Variants in CYP2C19 observed in about 807,000 individuals in gnomAD.
CYP2C19 encodes the protein cytochrome P450 family 2 subfamily C member 19.
A neutral mutation model predicts 40.9 loss-of-function variants in CYP2C19; 59 were observed. That is an observed-to-expected ratio of 1.44 (90% CI 1.17 to 1.79). The LOEUF is 1.79. CYP2C19 is among the 40% of genes most tolerant of loss of function. CYP2C19 has a pLI of 0.00. For synonymous variants in CYP2C19, 253 were observed against 208.7 expected, an observed-to-expected ratio of 1.21 and a Z score of -1.83; for missense variants, 754 against 596.9, an observed-to-expected ratio of 1.26 and a Z score of -2.74.
Position 94,853,199 on chromosome 10 carries a change from A to G in CYP2C19, c.*285A>G. The G allele has an allele frequency of 2.4e-6, 1 of 411,876 alleles. No individual in the cohort carries two copies. Among genetic ancestry groups the G allele is most frequent in the South Asian group, 2.8e-5 (1 of 35,452 alleles). The allele number at this position is 411,876 out of a possible 1,614,324, so 25.5% of individuals were successfully genotyped here. A position where few individuals can be genotyped will look rare whatever the true frequency, so the allele number is the denominator to read the frequency against. On this transcript the variant is annotated 3_prime_UTR_variant, in exon 9 of 9. Transcript: ENST00000371321. ...TTAAATAGAGAAAGATGATTTGTGT[A>G]TTATAATTCAAAGGCATTTCTTCTC...
intron 6 of CYP2C19, among the ~76,000 whole-genome samples, chr10:94,838,946 T>C (rs565186457): frequency 3.3e-5 from 5 of 152,136 alleles, no homozygotes; most frequent in Non-Finnish European, 7.3e-5. Context: ...ATTTCTTTCT[T>C]TGACCCTTTC....
chr10:94,764,950 A>G (rs1021672141), intron 1 of CYP2C19, among the ~76,000 whole-genome samples: 3 of 152,108 alleles, frequency 2.0e-5, no homozygotes, highest in Admixed American at 2.0e-4. Flanking sequence ...GTGGCATCTC[A>G]TACTATTCCT....
At chr10:94,843,509 A>G (rs147688243) in intron 7 of CYP2C19, among the ~76,000 whole-genome samples, 1 of 152,284 alleles carries the variant, frequency 6.6e-6, no homozygotes, top group African/African-American at 2.4e-5. Flanking sequence ...TTTTTCCTAG[A>G]TAATTAATAT....
Position 94,853,144 on chromosome 10 carries a change from G to C in CYP2C19, c.*230G>C. ...TGAGTGCCACATAATGCTGATACTT[G>C]TCTAATGTTGAGTTATTAACATATT... On this transcript the variant is annotated 3_prime_UTR_variant, in exon 9 of 9. Coordinates refer to ENST00000371321, the MANE Select transcript of CYP2C19 (RefSeq NM_000769.4). 1 of 536,376 alleles carries C rather than the reference G, an allele frequency of 1.9e-6. No individual in the cohort carries two copies. The highest frequency in any genetic ancestry group is 3.3e-6 in the Non-Finnish European group (1 of 306,050). 33.2% of individuals were successfully genotyped at this position (536,376 alleles called of 1,614,324 possible). A position where few individuals can be genotyped will look rare whatever the true frequency, so the allele number is the denominator to read the frequency against.
In CYP2C19 at chr10:94,765,578, C is replaced by T. The variant is rs565150321; in HGVS notation, c.168+2705C>T. Among the ~76,000 whole-genome samples, 3 of 152,094 alleles carry T rather than the reference C, an allele frequency of 2.0e-5. No individual in the cohort carries two copies. The South Asian group carries it at 6.2e-4, about 32-fold the overall frequency. ...TTTTCCCATTGGAGAAAAAACCGTT[C>T]TGTGTCTACTAGGAACCATTCAAGA... On this transcript the variant is annotated intron_variant, in intron 1 of 8. Transcript: ENST00000371321.
At chr10:94,796,906 T>C (rs1848696948) in intron 5 of CYP2C19, among the ~76,000 whole-genome samples, 1 of 152,104 alleles carries the variant, frequency 6.6e-6, no homozygotes, top group Non-Finnish European at 1.5e-5. Context: ...GACAATGTGG[T>C]TTTCTAGTTA....
Position 94,812,977 on chromosome 10 carries a change from GT to G in CYP2C19, c.820-7509del, listed in dbSNP as rs547311018. ...TTGAAATTTTCAGCCTTTTTGTGCTGTTTTTTTTTTCTCATATTTGTGGATT... is the reference window on the plus strand; with the variant it reads ...TTGAAATTTTCAGCCTTTTTGTGCTGTTTTTTTTTCTCATATTTGTGGATT... On this transcript the variant is annotated intron_variant, in intron 5 of 8. Transcript: ENST00000371321. 3.5e-3 allele frequency among the ~76,000 whole-genome samples: 513 copies of G among 148,610 alleles called. 6 individuals carry two copies. The highest frequency in any genetic ancestry group is 7.0e-3 in the African/African-American group (273 of 39,266).
chr10:94,796,623 A>G (rs568202549), intron 5 of CYP2C19, among the ~76,000 whole-genome samples: 58 of 152,242 alleles, frequency 3.8e-4, no homozygotes, highest in African/African-American at 1.3e-3. Context: ...CTTCCTATCC[A>G]TGAGCATGGA....
intron 6 of CYP2C19, among the ~76,000 whole-genome samples, chr10:94,840,073 A>T (rs1361419387): frequency 6.6e-6 from 1 of 151,896 alleles, no homozygotes; most frequent in Non-Finnish European, 1.5e-5. Flanking sequence ...TTCTACTTTT[A>T]GTTAAGTAGT....
chr10:94,778,001 C>G (rs539737771), intron 3 of CYP2C19, among the ~76,000 whole-genome samples: 1 of 152,186 alleles, frequency 6.6e-6, no homozygotes, highest in East Asian at 1.9e-4. Flanking sequence ...GTCCTGCAGA[C>G]CCTGGCCAAT....
At chr10:94,785,923 G>A (rs1848534134) in intron 5 of CYP2C19, among the ~76,000 whole-genome samples, 1 of 152,004 alleles carries the variant, frequency 6.6e-6, no homozygotes, top group South Asian at 2.1e-4. Context: ...AGAGTGGGTT[G>A]GCCAGCCTTC....
At chr10:94,823,852 C>A (rs1302792638) in intron 6 of CYP2C19, among the ~76,000 whole-genome samples, 2 of 152,142 alleles carry the variant, frequency 1.3e-5, no homozygotes, top group East Asian at 3.9e-4. Context: ...AAGTCCTGAG[C>A]TCCAGCAATC....
chr10:94,813,634 C>A (rs933681703), intron 5 of CYP2C19, among the ~76,000 whole-genome samples: 1 of 151,728 alleles, frequency 6.6e-6, no homozygotes, highest in African/African-American at 2.4e-5. Context: ...CCCTCAACAC[C>A]CCCCCCAAGC....
chr10:94,785,306 T>G (rs76199251), intron 5 of CYP2C19, among the ~76,000 whole-genome samples: 4,854 of 152,252 alleles, frequency 0.032, 129 homozygotes, highest in Middle Eastern at 0.13. Context: ...ATATTTAAGT[T>G]TTTCCGTCCA....
Position 94,799,009 on chromosome 10 carries a change from G to A in CYP2C19, c.819+17012G>A, listed in dbSNP as rs368967747. ...GGCACTTAGCCCATTTACATTTAAG[G>A]TTAATATTGTTATATGAGAATTTGA... On this transcript the variant is annotated intron_variant, in intron 5 of 8. Coordinates refer to ENST00000371321, the MANE Select transcript of CYP2C19 (RefSeq NM_000769.4). 4.6e-5 allele frequency among the ~76,000 whole-genome samples: 7 copies of A among 151,902 alleles called. No homozygotes were observed. In the East Asian group the frequency reaches 1.2e-3, roughly 25 times the overall value.
chr10:94,824,298 C>T (rs187440750), intron 6 of CYP2C19, among the ~76,000 whole-genome samples: 1 of 151,912 alleles, frequency 6.6e-6, no homozygotes, highest in African/African-American at 2.4e-5. Flanking sequence ...ATGAGGTGAA[C>T]ATGGAGATTA....
intron 5 of CYP2C19, among the ~76,000 whole-genome samples, chr10:94,818,104 A>G (rs1381636980): frequency 1.3e-5 from 2 of 149,906 alleles, no homozygotes; most frequent in East Asian, 3.9e-4. Context: ...AGCTTTCTAC[A>G]TATGGCTAGC....
At chr10:94,807,557 C>G (rs1245287090) in intron 5 of CYP2C19, among the ~76,000 whole-genome samples, 2 of 151,944 alleles carry the variant, frequency 1.3e-5, no homozygotes, top group African/African-American at 2.4e-5. Context: ...CGTTGGCTGT[C>G]TTTTGTCTTT....
In CYP2C19 at chr10:94,842,975, C is replaced by A; in HGVS notation, c.1100C>A (p.Pro367His). Reference protein sequence around the residue: ...RYIDLIPTSLPHAVTCDVKFR... With the variant: ...RYIDLIPTSLHHAVTCDVKFR... ...ATCGACCTCATCCCCACCAGCCTGC[C>A]CCATGCAGTGACCTGTGACGTTAAA... is the stretch of plus-strand genomic sequence containing the variant. The change falls in exon 7 of 9, where the codon CCC becomes CAC. Residue 367 changes from proline to histidine, a missense_variant. Transcript: ENST00000371321. 9 of 1,614,184 alleles carry A rather than the reference C, an allele frequency of 5.6e-6. No individual in the cohort carries two copies. Among genetic ancestry groups the A allele is most frequent in the Non-Finnish European group, 6.8e-6 (8 of 1,180,028 alleles).
Sources: gnomAD v4.1 joint callset for allele counts (sites outside exome capture counted in the v4.1 genomes callset) on GRCh38, gnomAD v4.1.1 for gene constraint, MANE v1.5 for transcripts, NCBI Gene and HGNC (gene_info 2026-07-23, HGNC 2026-07-21) for gene names.